The following GABRR2 variants were observed in gnomAD, a reference collection of about 807,000 sequenced individuals.
The protein encoded by GABRR2 is gamma-aminobutyric acid receptor subunit rho-2.
GABRR2 carries 36 observed loss-of-function variants against 47.0 expected under a neutral mutation model. The ratio of observed to expected loss-of-function variants is 0.77; its 90% CI spans 0.59 to 1.01. The LOEUF (loss-of-function observed/expected upper bound fraction) is 1.01, where lower values mean the gene tolerates loss of function less well. Among genes scored for constraint, GABRR2 ranks in the 50% least tolerant of loss-of-function variants. The pLI, the probability that GABRR2 is intolerant of heterozygous loss-of-function variation, is 0.00. For synonymous variants in GABRR2, 204 were observed against 227.5 expected (o/e 0.90, Z 0.93); for missense variants, 587 against 594.6 (o/e 0.99, Z 0.13).
chr6:89,301,836 C>T, intron 1 of GABRR2: 1 of 1,084,856 alleles, frequency 9.2e-7, no homozygotes, highest in Non-Finnish European at 1.4e-6. Context: ...AGATCGGGGC[C>T]AAGTTCTGGG....
chr6:89,292,846 GT>G (rs1774494282), intron 2 of GABRR2, among the ~76,000 whole-genome samples: 3 of 134,082 alleles, frequency 2.2e-5, no homozygotes, highest in Non-Finnish European at 4.8e-5. Flanking sequence ...ACGATATATC[GT>G]ATATATCATA....
At chr6:89,280,537 C>T (rs1471056115) in intron 2 of GABRR2, among the ~76,000 whole-genome samples, 3 of 152,060 alleles carry the variant, frequency 2.0e-5, no homozygotes, top group Non-Finnish European at 4.4e-5. Context: ...GGTTGCCTGC[C>T]ATGCCAGCTT....
At chr6:89,312,904 C>A (rs1454996013) in intron 1 of GABRR2, among the ~76,000 whole-genome samples, 1 of 152,186 alleles carries the variant, frequency 6.6e-6, no homozygotes, top group Non-Finnish European at 1.5e-5. Flanking sequence ...GTCTCCTCCC[C>A]ACTAAGAGTC....
intron 7 of GABRR2, 87 bp downstream of exon 7, chr6:89,265,526 G>T: frequency 7.0e-7 from 1 of 1,435,248 alleles, no homozygotes; most frequent in Non-Finnish European, 9.4e-7. Flanking sequence ...CAGTTAAGAA[G>T]TCTAAGTAAT....
In GABRR2 at chr6:89,267,783, T is replaced by C. The variant is rs770022204; in HGVS notation, c.632A>G (p.Lys211Arg). The change falls in exon 6 of 9, where the codon AAG (lysine) becomes AGG (arginine). Residue 211 changes from lysine to arginine, a missense_variant. Lys to Arg is a conservative substitution (Grantham distance 26). Coordinates refer to ENST00000402938, the MANE Select transcript of GABRR2 (RefSeq NM_002043.5). ...YTDEDLMLYW[K>R]NGDESLKTDE... ...TGTTTTTAGGGATTCATCCCCATTC[T>C]TCCAGTACAGCATTAGATCTTCATC... 3 of 1,613,850 alleles carry C rather than the reference T, an allele frequency of 1.9e-6. No individual in the cohort carries two copies. In the Admixed American group the frequency reaches 5.0e-5, roughly 27 times the overall value.
At chr6:89,306,399 TTTGTG>T (rs924975852) in intron 1 of GABRR2, among the ~76,000 whole-genome samples, 2 of 152,190 alleles carry the variant, frequency 1.3e-5, no homozygotes, top group African/African-American at 4.8e-5. Flanking sequence ...TAAGAATGGT[TTTGTG>T]ATAAATATAC....
intron 1 of GABRR2, among the ~76,000 whole-genome samples, chr6:89,306,312 G>A (rs780075002): frequency 7.9e-5 from 12 of 151,882 alleles, no homozygotes; most frequent in Non-Finnish European, 1.6e-4. Flanking sequence ...GGGAGGTTGA[G>A]GTTGCAGTGA....
chr6:89,275,960 C>A (rs1222615588), intron 2 of GABRR2, among the ~76,000 whole-genome samples: 7 of 151,848 alleles, frequency 4.6e-5, no homozygotes, highest in Admixed American at 1.3e-4. Flanking sequence ...TTAATGCCAC[C>A]AGGCACCTGG....
chr6:89,276,706 C>T (rs966516727), intron 2 of GABRR2, among the ~76,000 whole-genome samples: 43 of 152,156 alleles, frequency 2.8e-4, no homozygotes, highest in Non-Finnish European at 4.7e-4. Flanking sequence ...ACATTATTTG[C>T]ATGTTGTATG....
rs116783066 is a variant in GABRR2 at position 89,270,835 on chromosome 6, A to T, written c.288+820T>A. Among the ~76,000 whole-genome samples, 1,081 of 152,310 alleles carry T rather than the reference A, an allele frequency of 7.1e-3. 16 individuals carry two copies. The highest frequency in any genetic ancestry group is 0.024 in the African/African-American group (995 of 41,574). ...ACTTGGAGATATTGGGGTAAAGAAA[A>T]ACATGAGTCCCTGCATTCATGGAGC... On this transcript the variant is annotated intron_variant, in intron 3 of 8. Transcript: ENST00000402938.
At chr6:89,301,589 T>C (rs1009357504) in intron 1 of GABRR2, among the ~76,000 whole-genome samples, 1 of 151,938 alleles carries the variant, frequency 6.6e-6, no homozygotes, top group African/African-American at 2.4e-5. Flanking sequence ...TGGTCAAGCC[T>C]AGAGCCAAAT....
At chr6:89,307,081 A>G (rs1231792522) in intron 1 of GABRR2, among the ~76,000 whole-genome samples, 2 of 152,232 alleles carry the variant, frequency 1.3e-5, no homozygotes, top group African/African-American at 4.8e-5. Flanking sequence ...TGACCACACA[A>G]ACAACTTCTA....
intron 2 of GABRR2, among the ~76,000 whole-genome samples, chr6:89,284,927 T>C (rs1053479204): frequency 1.3e-5 from 2 of 151,722 alleles, no homozygotes; most frequent in African/African-American, 2.4e-5. Flanking sequence ...CTGCATAAAC[T>C]ATAAAGAATA....
intron 1 of GABRR2, chr6:89,301,776 G>T: frequency 1.3e-6 from 1 of 754,102 alleles, no homozygotes; most frequent in South Asian, 1.4e-5. Flanking sequence ...TGCCAGACAC[G>T]CCCAGTATGA....
In GABRR2 at chr6:89,257,549, G is replaced by C. The variant is rs1562340721; in HGVS notation, c.*121C>G. ...TTCTCTGAGAGATGAGTGCTGCTCA[G>C]GGTGGTCCAGTAGCTGCTGCATTGT... On this transcript the variant is annotated 3_prime_UTR_variant, in exon 9 of 9. Coordinates refer to ENST00000402938, the MANE Select transcript of GABRR2 (RefSeq NM_002043.5). 1 of 787,676 alleles carries C rather than the reference G, an allele frequency of 1.3e-6. No individual in the cohort carries two copies. Among genetic ancestry groups the C allele is most frequent in the African/African-American group, 1.7e-5 (1 of 57,364 alleles). The allele number at this position is 787,676 out of a possible 1,614,324, so 48.8% of individuals were successfully genotyped here. A position where few individuals can be genotyped will look rare whatever the true frequency, so the allele number is the denominator to read the frequency against.
chr6:89,305,490 G>GC (rs1767543029), intron 1 of GABRR2, among the ~76,000 whole-genome samples: 1 of 152,160 alleles, frequency 6.6e-6, no homozygotes, highest in African/African-American at 2.4e-5. Flanking sequence ...GCTAGCCTGA[G>GC]CAACATGGTG....
chr6:89,267,029 TCA>T (rs1773913858), intron 6 of GABRR2, among the ~76,000 whole-genome samples: 1 of 139,478 alleles, frequency 7.2e-6, no homozygotes, highest in Non-Finnish European at 1.5e-5. Flanking sequence ...AGACGGAGTA[TCA>T]CTCTGTCCCC....
At chr6:89,300,760 A>AT (rs954735144) in intron 1 of GABRR2, among the ~76,000 whole-genome samples, 23 of 150,998 alleles carry the variant, frequency 1.5e-4, no homozygotes, top group African/African-American at 5.1e-4. Context: ...AAAAAAAAAA[A>AT]AAAAAAGGCC....
rs1480172591 is a variant in GABRR2, at chr6:89,255,513, T to C, written c.*2157A>G. 6.6e-6 allele frequency among the ~76,000 whole-genome samples: 1 copy of C among 152,100 alleles called. No homozygotes were observed. The highest frequency in any genetic ancestry group is 1.5e-5 in the Non-Finnish European group (1 of 68,012). On this transcript the variant is annotated 3_prime_UTR_variant, in exon 9 of 9. Transcript: ENST00000402938. ...ATTACCCATATTTATGCATTTTTGT[T>C]CTTCATTGGTCTGTGAGACTGGGAA... is the stretch of plus-strand genomic sequence containing the variant.
Sources: gnomAD v4.1 joint callset for allele counts (sites outside exome capture counted in the v4.1 genomes callset) on GRCh38, gnomAD v4.1.1 for gene constraint, MANE v1.5 for transcripts, NCBI Gene and HGNC (gene_info 2026-07-23, HGNC 2026-07-21) for gene names.